Variants in EBF2 observed in about 807,000 individuals in gnomAD.
The protein encoded by EBF2 is EBF transcription factor 2.
Under a neutral mutation model 72.8 loss-of-function variants are expected in EBF2, and 21 were observed. That is an observed-to-expected ratio of 0.29 (90% CI 0.20 to 0.42). The LOEUF (loss-of-function observed/expected upper bound fraction) is 0.42. Among genes scored for constraint, EBF2 ranks in the 10% least tolerant of loss-of-function variants. EBF2 has a pLI of 1.00. For missense variants in EBF2, 637 were observed against 731.2 expected, an observed-to-expected ratio of 0.87 and a Z score of 1.49; for synonymous variants, 299 against 274.2, an observed-to-expected ratio of 1.09 and a Z score of -0.89.
At chr8:26,040,881 G>T in intron 3 of EBF2, 58 bp downstream of exon 3, 2 of 1,607,844 alleles carry the variant, frequency 1.2e-6, no homozygotes, top group South Asian at 1.1e-5. Flanking sequence ...AGGTCAGCGC[G>T]TGCGGCCCGG....
At chr8:25,869,259 T>A (rs1024932069) in intron 10 of EBF2, among the ~76,000 whole-genome samples, 2 of 152,142 alleles carry the variant, frequency 1.3e-5, no homozygotes, top group African/African-American at 2.4e-5. Context: ...TATAGAATAG[T>A]TAAGTACACT....
intron 15 of EBF2, among the ~76,000 whole-genome samples, chr8:25,848,410 G>T (rs1019410568): frequency 6.6e-5 from 10 of 152,114 alleles, no homozygotes; most frequent in African/African-American, 1.4e-4. Flanking sequence ...TTCTGTTTCT[G>T]CTGCAGCTGC....
At chr8:25,850,240 G>A (rs144370198) in intron 15 of EBF2, among the ~76,000 whole-genome samples, 1,932 of 152,260 alleles carry the variant, frequency 0.013, 41 homozygotes, top group African/African-American at 0.044. Flanking sequence ...AGCCTCTCGA[G>A]TAGCTAGGAT....
At chr8:25,877,853 G>T (rs1802548606) in intron 10 of EBF2, among the ~76,000 whole-genome samples, 2 of 152,138 alleles carry the variant, frequency 1.3e-5, no homozygotes, top group African/African-American at 4.8e-5. Flanking sequence ...CTCTCCAACA[G>T]CCTCAGGAGC....
intron 6 of EBF2, among the ~76,000 whole-genome samples, chr8:26,001,477 C>T (rs902327446): frequency 5.3e-5 from 8 of 152,134 alleles, no homozygotes; most frequent in Non-Finnish European, 2.9e-5. Context: ...TTTCTTTTCT[C>T]TTACAGTATC....
intron 6 of EBF2, among the ~76,000 whole-genome samples, chr8:25,922,646 C>T (rs1803323376): frequency 1.3e-5 from 2 of 152,336 alleles, no homozygotes; most frequent in African/African-American, 4.8e-5. Flanking sequence ...GTAAAAGTTG[C>T]ATCTAGTCCC....
chr8:25,946,940 C>A (rs1357933429), intron 6 of EBF2, among the ~76,000 whole-genome samples: 9 of 152,172 alleles, frequency 5.9e-5, no homozygotes, highest in Non-Finnish European at 1.0e-4. Flanking sequence ...TTGTGACTAG[C>A]ACAGCTAAAT....
chr8:25,860,941 G>T, intron 13 of EBF2, 108 bp downstream of exon 13: 3 of 1,204,536 alleles, frequency 2.5e-6, no homozygotes, highest in Non-Finnish European at 2.4e-6. Context: ...TTGCCTATCT[G>T]TGGACACACT....
chr8:25,988,193 A>T (rs1563200904), intron 6 of EBF2, among the ~76,000 whole-genome samples: 1 of 152,120 alleles, frequency 6.6e-6, no homozygotes, highest in South Asian at 2.1e-4. Context: ...GGCTCTTCAC[A>T]CAGTTCTGAG....
At chr8:25,955,784 T>C (rs1452636287) in intron 6 of EBF2, among the ~76,000 whole-genome samples, 1 of 152,192 alleles carries the variant, frequency 6.6e-6, no homozygotes, top group Non-Finnish European at 1.5e-5. Flanking sequence ...AGTCTCATTC[T>C]GGCTTACATT....
At chr8:26,035,413 G>C (rs371007134) in intron 5 of EBF2, among the ~76,000 whole-genome samples, 27 of 152,212 alleles carry the variant, frequency 1.8e-4, no homozygotes, top group Middle Eastern at 3.4e-3. Context: ...GCCTCCCAAA[G>C]TGCTAGGATT....
In EBF2 at chr8:25,893,102, G is replaced by A. The variant is rs143984003; in HGVS notation, c.634-3233C>T. On this transcript the variant is annotated intron_variant, in intron 7 of 15. Coordinates refer to ENST00000520164, the MANE Select transcript of EBF2 (RefSeq NM_022659.4). The stretch of plus-strand genomic sequence containing the variant: ...ATGGTCGCAAGGTTAAGATGAACAT[G>A]AAGATTGTATTGCCTACCCCCCGAA... 5.3e-3 allele frequency among the ~76,000 whole-genome samples: 805 copies of A among 152,208 alleles called. 3 individuals carry two copies. Among genetic ancestry groups the A allele is most frequent in the African/African-American group, 0.019 (770 of 41,516 alleles).
At chr8:26,016,524 C>T (rs889697278) in intron 6 of EBF2, among the ~76,000 whole-genome samples, 3 of 152,156 alleles carry the variant, frequency 2.0e-5, no homozygotes, top group Non-Finnish European at 2.9e-5. Flanking sequence ...CTCAGCAATC[C>T]AATTTCAAAG....
At chr8:25,993,343 A>C (rs997164215) in intron 6 of EBF2, among the ~76,000 whole-genome samples, 3 of 152,226 alleles carry the variant, frequency 2.0e-5, no homozygotes, top group African/African-American at 7.2e-5. Flanking sequence ...GCAGACTTCC[A>C]GTTCAAAATG....
At chr8:25,859,178 G>A (rs1052293906) in intron 13 of EBF2, among the ~76,000 whole-genome samples, 27 of 152,158 alleles carry the variant, frequency 1.8e-4, no homozygotes, top group Non-Finnish European at 3.7e-4. Context: ...GGTCAAGTTA[G>A]GCTGGGCAGA....
At chr8:26,029,918 T>C (rs1338123659) in intron 6 of EBF2, among the ~76,000 whole-genome samples, 3 of 152,110 alleles carry the variant, frequency 2.0e-5, no homozygotes, top group Admixed American at 6.5e-5. Flanking sequence ...CCCTTTTTTT[T>C]CTTTTCTTTT....
At chr8:25,938,837 A>G (rs1330963794) in intron 6 of EBF2, among the ~76,000 whole-genome samples, 1 of 152,064 alleles carries the variant, frequency 6.6e-6, no homozygotes, top group African/African-American at 2.4e-5. Context: ...TATTGGGAGA[A>G]GGACAGGGGT....
intron 10 of EBF2, among the ~76,000 whole-genome samples, chr8:25,884,143 ACT>A (rs1802649920): frequency 1.3e-5 from 2 of 149,524 alleles, no homozygotes; most frequent in African/African-American, 4.9e-5. Flanking sequence ...ATCTCCCATC[ACT>A]CTCTTCCCCA....
intron 10 of EBF2, among the ~76,000 whole-genome samples, chr8:25,881,046 C>T (rs1475135749): frequency 1.3e-5 from 2 of 152,166 alleles, no homozygotes; most frequent in East Asian, 3.9e-4. Context: ...CTGCCTGTCC[C>T]CACCACCAGC....
Sources: allele counts gnomAD v4.1 joint callset (sites outside exome capture counted in the v4.1 genomes callset), GRCh38; gene constraint gnomAD v4.1.1; transcripts MANE v1.5; gene names NCBI Gene and HGNC (gene_info 2026-07-23, HGNC 2026-07-21).